The following ADAMTSL1 variants were observed in gnomAD, a reference collection of about 807,000 sequenced individuals.
ADAMTSL1 encodes the protein ADAMTS like 1.
A neutral mutation model predicts 201.8 loss-of-function variants in ADAMTSL1; 126 were observed. The observed-to-expected ratio is 0.62, with a 90% CI of 0.54 to 0.72. The LOEUF (loss-of-function observed/expected upper bound fraction) is 0.72, where lower values mean the gene tolerates loss of function less well. Ranked by LOEUF, ADAMTSL1 falls within the 30% of genes least tolerant of loss-of-function variation. ADAMTSL1 has a pLI of 0.00. For missense variants in ADAMTSL1, 2,679 were observed against 2,277.8 expected (o/e 1.18, Z -3.59); for synonymous variants, 1,121 against 903.4 (o/e 1.24, Z -4.32).
intron 4 of ADAMTSL1, among the ~76,000 whole-genome samples, chr9:18,608,100 T>G (rs1825145552): frequency 6.6e-6 from 1 of 152,140 alleles, no homozygotes; most frequent in South Asian, 2.1e-4. Flanking sequence ...AAATTGGAAA[T>G]GCCTTTTCTT....
intron 1 of ADAMTSL1, among the ~76,000 whole-genome samples, chr9:18,102,769 C>T (rs1384838206): frequency 2.0e-5 from 3 of 152,052 alleles, no homozygotes; most frequent in African/African-American, 4.8e-5. Flanking sequence ...AAGCTTATAG[C>T]GATGATCAAG....
chr9:18,846,235 A>G (rs1310718974), intron 23 of ADAMTSL1, among the ~76,000 whole-genome samples: 1 of 152,186 alleles, frequency 6.6e-6, no homozygotes, highest in East Asian at 1.9e-4. Flanking sequence ...CAGTGGGGGC[A>G]CTTAGAGTCT....
chr9:18,336,522 A>G lies in ADAMTSL1; in HGVS notation c.208-168307A>G, dbSNP rs189862932. Among the ~76,000 whole-genome samples, 111 of 152,304 alleles carry G rather than the reference A, an allele frequency of 7.3e-4. 1 individual carries two copies. In the East Asian group the frequency reaches 0.015, roughly 21 times the overall value. On this transcript the variant is annotated intron_variant, in intron 2 of 29. Transcript: ENST00000680146. ...AAGATAACAATCTGCAGGGCTAAAT[A>G]TGTAAAAAGTAGAACCATGTGGTTT...
intron 2 of ADAMTSL1, among the ~76,000 whole-genome samples, chr9:18,439,411 G>T (rs759768245): frequency 2.0e-5 from 3 of 152,214 alleles, no homozygotes; most frequent in Non-Finnish European, 4.4e-5. Context: ...CTGCCGCCCA[G>T]GCTGGAATGC....
chr9:18,837,533 C>T (rs369439644), intron 23 of ADAMTSL1, among the ~76,000 whole-genome samples: 1 of 152,194 alleles, frequency 6.6e-6, no homozygotes, highest in African/African-American at 2.4e-5. Flanking sequence ...CTATTCCCTA[C>T]CCTGTGTGAG....
intron 14 of ADAMTSL1, among the ~76,000 whole-genome samples, chr9:18,720,395 C>T (rs187449187): frequency 4.5e-4 from 69 of 152,276 alleles, no homozygotes; most frequent in African/African-American, 1.6e-3. Context: ...GCGTTGGTAC[C>T]TGGTTAATAA....
At chr9:18,548,394 C>T (rs928442361) in intron 3 of ADAMTSL1, among the ~76,000 whole-genome samples, 7 of 152,124 alleles carry the variant, frequency 4.6e-5, no homozygotes, top group Non-Finnish European at 8.8e-5. Context: ...TATGCTGAAG[C>T]ACTGTCTAGT....
chr9:18,242,313 CT>C (rs954709959), intron 2 of ADAMTSL1, among the ~76,000 whole-genome samples: 3 of 152,048 alleles, frequency 2.0e-5, no homozygotes, highest in African/African-American at 7.2e-5. Flanking sequence ...GTCAAAAATC[CT>C]TTCTTAATAA....
chr9:18,676,040 A>G (rs1040924206), intron 10 of ADAMTSL1, 133 bp downstream of exon 10: 2 of 888,136 alleles, frequency 2.3e-6, no homozygotes, highest in Non-Finnish European at 3.5e-6. Flanking sequence ...TATATTTTGC[A>G]ATCCATCCTG....
intron 1 of ADAMTSL1, among the ~76,000 whole-genome samples, chr9:18,498,344 T>C (rs1329757398): frequency 6.6e-6 from 1 of 151,556 alleles, no homozygotes; most frequent in East Asian, 1.9e-4. Flanking sequence ...CCCCCTTTTT[T>C]TTTTTTTTTG....
At chr9:18,892,684 C>G in intron 26 of ADAMTSL1, 88 bp downstream of exon 26, 1 of 1,389,572 alleles carries the variant, frequency 7.2e-7, no homozygotes, top group East Asian at 2.5e-5. Context: ...ATCACTGCCA[C>G]TGCCACCTCC....
chr9:17,983,365 G>A (rs890953893), intron 1 of ADAMTSL1, among the ~76,000 whole-genome samples: 22 of 152,038 alleles, frequency 1.4e-4, no homozygotes, highest in African/African-American at 4.8e-4. Context: ...CACCTCGCCC[G>A]GCCCCTTTTC....
intron 26 of ADAMTSL1, among the ~76,000 whole-genome samples, chr9:18,895,137 G>A (rs1437054291): frequency 6.6e-6 from 1 of 152,142 alleles, no homozygotes; most frequent in Non-Finnish European, 1.5e-5. Flanking sequence ...CCAGCAATAG[G>A]TTTAGTTACA....
chr9:18,657,096 A>G (rs962497330), intron 7 of ADAMTSL1, among the ~76,000 whole-genome samples: 2 of 152,250 alleles, frequency 1.3e-5, no homozygotes, highest in Admixed American at 6.5e-5. Flanking sequence ...GCATGGGCCC[A>G]GAAGTTTGCC....
intron 23 of ADAMTSL1, among the ~76,000 whole-genome samples, chr9:18,842,925 T>C (rs1166366003): frequency 6.6e-6 from 1 of 152,158 alleles, no homozygotes; most frequent in Non-Finnish European, 1.5e-5. Context: ...AGCCTATGCA[T>C]GTCTCTGCGC....
intron 1 of ADAMTSL1, among the ~76,000 whole-genome samples, chr9:18,119,577 A>G (rs1413092217): frequency 6.6e-6 from 1 of 152,138 alleles, no homozygotes; most frequent in Non-Finnish European, 1.5e-5. Context: ...TGCTGGGATT[A>G]CAGGCCTGCA....
intron 2 of ADAMTSL1, among the ~76,000 whole-genome samples, chr9:18,446,225 C>T (rs913220960): frequency 2.0e-5 from 3 of 152,136 alleles, no homozygotes; most frequent in African/African-American, 7.2e-5. Context: ...TCCAGAAACT[C>T]TATATATGGG....
intron 2 of ADAMTSL1, among the ~76,000 whole-genome samples, chr9:18,214,301 TAC>T (rs1829987904): frequency 6.6e-6 from 1 of 152,240 alleles, no homozygotes; most frequent in Non-Finnish European, 1.5e-5. Context: ...GAAATTCAAA[TAC>T]AGTTTATTTT....
chr9:17,993,549 C>T (rs17772993), intron 1 of ADAMTSL1, among the ~76,000 whole-genome samples: 1 of 151,984 alleles, frequency 6.6e-6, no homozygotes, highest in Non-Finnish European at 1.5e-5. Context: ...TTTTGGGAAG[C>T]CTGTTCCAAT....
Sources: allele counts gnomAD v4.1 joint callset (sites outside exome capture counted in the v4.1 genomes callset), GRCh38; gene constraint gnomAD v4.1.1; transcripts MANE v1.5; gene names NCBI Gene and HGNC (gene_info 2026-07-23, HGNC 2026-07-21).